The following HAUS6 variants were observed in gnomAD, a reference collection of about 807,000 sequenced individuals.
HAUS6 encodes the protein HAUS augmin-like complex subunit 6.
A neutral mutation model predicts 106.8 loss-of-function variants in HAUS6; 80 were observed. The observed-to-expected ratio is 0.75, with a 90% CI of 0.63 to 0.90. HAUS6 has a LOEUF of 0.90. HAUS6 is among the 40% of genes least tolerant of loss of function. The pLI is 0.00. For synonymous variants in HAUS6, 356 were observed against 379.1 expected (o/e 0.94, Z 0.71); for missense variants, 1,155 against 1,118.1 (o/e 1.03, Z -0.47).
chr9:19,100,172 C>T (rs978005265), intron 1 of HAUS6, among the ~76,000 whole-genome samples: 6 of 151,618 alleles, frequency 4.0e-5, no homozygotes, highest in African/African-American at 9.7e-5. Context: ...CCCGCCTGGG[C>T]GACAGAGCAA....
At chr9:19,080,174 C>CCAAAA (rs1554689922) in intron 9 of HAUS6, among the ~76,000 whole-genome samples, 2 of 37,570 alleles carry the variant, frequency 5.3e-5, no homozygotes, top group African/African-American at 1.8e-4. Flanking sequence ...AACTCCGTCT[C>CCAAAA]AAAAAAAAAA....
At chr9:19,077,365 T>G (rs1837032117) in intron 10 of HAUS6, among the ~76,000 whole-genome samples, 3 of 152,014 alleles carry the variant, frequency 2.0e-5, no homozygotes, top group Admixed American at 2.0e-4. Context: ...TAAAACCCCA[T>G]CTCTACTGAA....
At chr9:19,059,492 A>G (rs1260629940) in intron 15 of HAUS6, among the ~76,000 whole-genome samples, 1 of 152,240 alleles carries the variant, frequency 6.6e-6, no homozygotes, top group Non-Finnish European at 1.5e-5. Context: ...AATTTGGTTC[A>G]TAGGCTATAG....
In HAUS6 at chr9:19,058,949, T is replaced by G; in HGVS notation, c.1818A>C (p.Arg606Ser). The part of the protein sequence containing the change: ...WRKAIEMEEN[R>S]TKEPIQMDAE... ...CATCCATTTGAATTGGTTCTTTAGT[T>G]CTGTTTTCTTCCATTTCAATAGCTT... Residue 606 changes from arginine to serine, a missense_variant, in exon 16 of 17, where the codon AGA (arginine) becomes AGC (serine). Physicochemically the swap from Arg to Ser is moderately radical, Grantham distance 110. Around this residue, in one of 3 missense-constraint regions of HAUS6, gnomAD observed 14 missense variants for 33.2 expected, o/e 0.42. Transcript: ENST00000380502. 3 of 1,604,876 alleles carry G rather than the reference T, an allele frequency of 1.9e-6. No homozygotes were observed. Among genetic ancestry groups the G allele is most frequent in the Non-Finnish European group, 2.6e-6 (3 of 1,172,226 alleles).
chr9:19,076,561 G>A (rs768586712), intron 11 of HAUS6, 41 bp downstream of exon 11: 1 of 842,204 alleles, frequency 1.2e-6, no homozygotes, highest in African/African-American at 1.7e-5. Flanking sequence ...AGAATGACAG[G>A]AAGGAGGTTT....
chr9:19,070,274 T>C lies in HAUS6; in HGVS notation c.1321A>G (p.Asn441Asp). Reference protein sequence around the residue: ...PDAHKQHNQENGCRGDSDTLG... With the variant: ...PDAHKQHNQEDGCRGDSDTLG... Reference sequence around the variant, plus strand: ...GTATCACTGTCTCCTCTGCAACCATTTTCTTGGTTATGTTGCTTATGTGCA... The same window carrying C: ...GTATCACTGTCTCCTCTGCAACCATCTTCTTGGTTATGTTGCTTATGTGCA... Residue 441 changes from asparagine to aspartate, a missense_variant, in exon 12 of 17, where the codon AAT becomes GAT. Physicochemically the swap from Asn to Asp is conservative, Grantham distance 23. Transcript: ENST00000380502. 1.3e-6 allele frequency: 2 copies of C among 1,599,250 alleles called. No homozygotes were observed. The highest frequency in any genetic ancestry group is 8.6e-7 in the Non-Finnish European group (1 of 1,166,826).
intron 12 of HAUS6, among the ~76,000 whole-genome samples, chr9:19,068,136 A>T (rs1237458327): frequency 1.3e-5 from 2 of 152,148 alleles, no homozygotes; most frequent in African/African-American, 4.8e-5. Context: ...AAGGAAGACA[A>T]ATCGAAAACA....
chr9:19,066,731 C>T (rs889205521), intron 12 of HAUS6, among the ~76,000 whole-genome samples: 3 of 148,916 alleles, frequency 2.0e-5, no homozygotes, highest in African/African-American at 7.5e-5. Flanking sequence ...AGGTGGCTCA[C>T]GTCTGAAACC....
Position 19,081,013 on chromosome 9 carries a change from A to G in HAUS6, c.871-341T>C, listed in dbSNP as rs1025585341. Among the ~76,000 whole-genome samples, 11 of 151,982 alleles carry G rather than the reference A, an allele frequency of 7.2e-5. No homozygotes were observed. In the East Asian group the frequency reaches 7.8e-4, roughly 11 times the overall value. Reference sequence around the variant, plus strand: ...CTTGAACCCAAGAGGCAGAGGTTGCAGTGAGCCGAGATTGTGCCATTGTAC... The same window carrying G: ...CTTGAACCCAAGAGGCAGAGGTTGCGGTGAGCCGAGATTGTGCCATTGTAC... On this transcript the variant is annotated intron_variant, in intron 8 of 16. Transcript: ENST00000380502.
intron 4 of HAUS6, among the ~76,000 whole-genome samples, chr9:19,090,044 G>T (rs950358826): frequency 2.0e-5 from 3 of 151,808 alleles, no homozygotes; most frequent in African/African-American, 7.3e-5. Flanking sequence ...TGAAGGTGTT[G>T]CCCAGGCTAG....
chr9:19,086,472 T>G (rs912731205), intron 7 of HAUS6, among the ~76,000 whole-genome samples: 15 of 151,258 alleles, frequency 9.9e-5, no homozygotes, highest in Non-Finnish European at 1.9e-4. Flanking sequence ...AACACAAAAT[T>G]AGCCAGGCGT....
At chr9:19,086,949 C>G (rs1837310338) in intron 6 of HAUS6, 142 bp downstream of exon 6, 1 of 624,526 alleles carries the variant, frequency 1.6e-6, no homozygotes, top group Non-Finnish European at 2.9e-6. Flanking sequence ...GATTAGCAGT[C>G]ATAACTATGC....
At chr9:19,087,780 C>T (rs1260589114) in intron 5 of HAUS6, among the ~76,000 whole-genome samples, 1 of 140,502 alleles carries the variant, frequency 7.1e-6, no homozygotes, top group African/African-American at 2.6e-5. Context: ...GAGGTCAAGG[C>T]TGCCGTGAGT....
At position 19,067,930 on chromosome 9, in the gene HAUS6, G is replaced by A. The variant is rs1311954547; in HGVS notation, c.1376+2289C>T. Among the ~76,000 whole-genome samples, 3 of 151,908 alleles carry A rather than the reference G, an allele frequency of 2.0e-5. No homozygotes were observed. The East Asian group carries it at 5.8e-4, about 29-fold the overall frequency. On this transcript the variant is annotated intron_variant, in intron 12 of 16. Coordinates refer to ENST00000380502, the MANE Select transcript of HAUS6 (RefSeq NM_017645.5). The stretch of plus-strand genomic sequence containing the variant: ...GCTAGTCTCGAACTCCTGACCTCAG[G>A]TGAGCCACCCACCTCAGCCTCCTAA...
At chr9:19,090,305 T>C (rs747016016) in intron 4 of HAUS6, among the ~76,000 whole-genome samples, 1 of 152,190 alleles carries the variant, frequency 6.6e-6, no homozygotes, top group Non-Finnish European at 1.5e-5. Context: ...TCCGTAATAG[T>C]GTATTTATTT....
chr9:19,086,036 G>A (rs1409106184), intron 7 of HAUS6, among the ~76,000 whole-genome samples: 1 of 152,120 alleles, frequency 6.6e-6, no homozygotes, highest in African/African-American at 2.4e-5. Flanking sequence ...AGGGGACCGG[G>A]CGCAGTGGCT....
chr9:19,060,622 A>G (rs1836591426), intron 14 of HAUS6, among the ~76,000 whole-genome samples: 1 of 152,224 alleles, frequency 6.6e-6, no homozygotes, highest in Non-Finnish European at 1.5e-5. Flanking sequence ...AATTATAATC[A>G]ATTTGGACAG....
At position 19,058,143 on chromosome 9, in the gene HAUS6, G is replaced by A; in HGVS notation, c.2624C>T (p.Thr875Ile). 2.5e-6 allele frequency: 4 copies of A among 1,613,958 alleles called. No homozygotes were observed. The highest frequency in any genetic ancestry group is 8.5e-7 in the Non-Finnish European group (1 of 1,179,852). ...ELSPTPQNVQTDDTLNFLDTC... is the reference protein window; with the variant it reads ...ELSPTPQNVQIDDTLNFLDTC... ...GTCCAAAAAGTTAAGCGTATCATCTGTTTGTACATTTTGGGGAGTAGGGCT... is the reference window on the plus strand; with the variant it reads ...GTCCAAAAAGTTAAGCGTATCATCTATTTGTACATTTTGGGGAGTAGGGCT... The change falls in exon 16 of 17, where the codon ACA becomes ATA. Residue 875 changes from threonine (T) to isoleucine (I), a missense_variant. Physicochemically the swap from Thr to Ile is moderately conservative, Grantham distance 89. Coordinates refer to ENST00000380502, the MANE Select transcript of HAUS6 (RefSeq NM_017645.5).
In HAUS6 at chr9:19,087,136, C is replaced by G. The variant is rs190016794; in HGVS notation, c.605G>C (p.Arg202Pro). ...TCCTATACATTCAGATCTCAAGTTT[C>G]GTACCTGCTTAACTGATAATCTGCA... is the stretch of plus-strand genomic sequence containing the variant. ...ENAQLSVKQVRNLRSECIGLE... is the reference protein window; with the variant it reads ...ENAQLSVKQVPNLRSECIGLE... The change falls in exon 6 of 17, where the codon CGA (arginine) becomes CCA (proline). Residue 202 changes from arginine (R) to proline (P), a missense_variant. By Grantham distance (103) the Arg-to-Pro change is moderately radical. This residue lies in a region of HAUS6 where 761 missense variants were observed against 690.0 expected (regional missense o/e 1.10). Coordinates refer to ENST00000380502, the MANE Select transcript of HAUS6 (RefSeq NM_017645.5). 5 of 1,529,034 alleles carry G rather than the reference C, an allele frequency of 3.3e-6. No homozygotes were observed. The South Asian group carries it at 4.5e-5, about 14-fold the overall frequency. 94.7% of individuals were successfully genotyped at this position (1,529,034 alleles called of 1,614,324 possible). A position where few individuals can be genotyped will look rare whatever the true frequency, so the allele number is the denominator to read the frequency against.
Sources: gnomAD v4.1 joint callset for allele counts (sites outside exome capture counted in the v4.1 genomes callset) on GRCh38, gnomAD v4.1.1 for gene constraint, gnomAD v4.1.1 regional missense constraint, MANE v1.5 for transcripts, NCBI Gene and HGNC (gene_info 2026-07-23, HGNC 2026-07-21) for gene names.